STARD13: variants seen among roughly 807,000 people sequenced by gnomAD.
STARD13 encodes the protein StAR related lipid transfer domain containing 13.
STARD13 carries 62 observed loss-of-function variants against 106.4 expected under a neutral mutation model. That is an observed-to-expected ratio of 0.58 (90% CI 0.48 to 0.72). STARD13 has a LOEUF of 0.72. Ranked by LOEUF, STARD13 falls within the 30% of genes least tolerant of loss-of-function variation. The pLI is 0.00. For missense variants in STARD13, 1,387 were observed against 1,424.0 expected (o/e 0.97, Z 0.42); for synonymous variants, 565 against 553.0 (o/e 1.02, Z -0.31).
the STARD13 span, among the ~76,000 whole-genome samples, chr13:33,636,259 C>T: frequency 6.6e-6 from 1 of 151,998 alleles, no homozygotes; most frequent in Non-Finnish European, 1.5e-5. Flanking sequence ...TTTGTAGCCC[C>T]TGACACTTGC....
upstream of STARD13, among the ~76,000 whole-genome samples, chr13:33,288,215 A>T (rs1324778689): frequency 6.6e-6 from 1 of 152,184 alleles, no homozygotes; most frequent in African/African-American, 2.4e-5. Context: ...GTTTGTATTT[A>T]TGACTACATA....
chr13:33,268,828 C>G lies in STARD13; in HGVS notation c.169+16642G>C, dbSNP rs148038006. Among the ~76,000 whole-genome samples the G allele has an allele frequency of 2.0e-3, 305 of 152,320 alleles. 1 individual carries two copies. Among genetic ancestry groups the G allele is most frequent in the African/African-American group, 6.9e-3 (286 of 41,566 alleles). ...TCCATGTCAGATTATTAGCATCAATCACAAAACATGGTAATTTATTTAAGT... is the reference window on the plus strand; with the variant it reads ...TCCATGTCAGATTATTAGCATCAATGACAAAACATGGTAATTTATTTAAGT... On this transcript the variant is annotated intron_variant, in intron 1 of 13. Coordinates refer to ENST00000336934, the MANE Select transcript of STARD13 (RefSeq NM_178006.4).
intron 1 of STARD13, among the ~76,000 whole-genome samples, chr13:33,213,092 G>A (rs1887818907): frequency 6.6e-6 from 1 of 152,170 alleles, no homozygotes; most frequent in South Asian, 2.1e-4. Flanking sequence ...CAGTACATCT[G>A]TAACATGAGG....
the STARD13 span, among the ~76,000 whole-genome samples, chr13:33,648,741 T>C: frequency 1.3e-5 from 2 of 151,756 alleles, no homozygotes; most frequent in Admixed American, 1.3e-4. Context: ...TTGTGTTCTC[T>C]TAGCAATAGT....
chr13:33,398,783 A>G, the STARD13 span, among the ~76,000 whole-genome samples: 1 of 152,230 alleles, frequency 6.6e-6, no homozygotes, highest in Admixed American at 6.5e-5. Flanking sequence ...ATGTACCACA[A>G]CTGGAACCCT....
At chr13:33,367,619 G>A in the STARD13 span, among the ~76,000 whole-genome samples, 9 of 151,964 alleles carry the variant, frequency 5.9e-5, no homozygotes, top group African/African-American at 2.2e-4. Flanking sequence ...TAATTCTTGA[G>A]TGTCTCAGTG....
At chr13:33,411,943 C>T in the STARD13 span, among the ~76,000 whole-genome samples, 1 of 152,028 alleles carries the variant, frequency 6.6e-6, no homozygotes, top group Non-Finnish European at 1.5e-5. Context: ...CAAAAGCAAA[C>T]CTACCCCAAT....
intron 1 of STARD13, among the ~76,000 whole-genome samples, chr13:33,295,663 C>T (rs1892460768): frequency 6.6e-6 from 1 of 152,074 alleles, no homozygotes; most frequent in African/African-American, 2.4e-5. Flanking sequence ...AATTATAGGA[C>T]TGCGTTGCTG....
At chr13:33,241,557 CT>C (rs1889498022) in intron 1 of STARD13, among the ~76,000 whole-genome samples, 1 of 150,770 alleles carries the variant, frequency 6.6e-6, no homozygotes, top group Non-Finnish European at 1.5e-5. Context: ...CCCCCTCCCC[CT>C]CTCCCCTTTG....
chr13:33,659,362 T>C, the STARD13 span, among the ~76,000 whole-genome samples: 1 of 151,956 alleles, frequency 6.6e-6, no homozygotes, highest in African/African-American at 2.4e-5. Context: ...ACTACAGGCA[T>C]ATGCCACCAC....
the STARD13 span, among the ~76,000 whole-genome samples, chr13:33,630,563 T>C: frequency 6.6e-6 from 1 of 152,198 alleles, no homozygotes; most frequent in Non-Finnish European, 1.5e-5. Flanking sequence ...CTGAACCACA[T>C]TTCACCAAGT....
chr13:33,298,502 C>A (rs1237281373), intron 1 of STARD13, among the ~76,000 whole-genome samples: 1 of 151,958 alleles, frequency 6.6e-6, no homozygotes, highest in Non-Finnish European at 1.5e-5. Context: ...ATACCACCCT[C>A]CTGCCACAAA....
chr13:33,349,360 C>A, intron 1 of STARD13: 1 of 649,632 alleles, frequency 1.5e-6, no homozygotes, highest in Non-Finnish European at 2.8e-6. Flanking sequence ...CCTGCACTGC[C>A]CAGGAACTGT....
rs1889902351 is a variant in STARD13 at position 33,247,754 on chromosome 13, C to T, written c.169+37716G>A. Among the ~76,000 whole-genome samples the T allele has an allele frequency of 2.0e-5, 3 of 152,304 alleles. No homozygotes were observed. In the South Asian group the frequency reaches 6.2e-4, roughly 32 times the overall value. On this transcript the variant is annotated intron_variant, in intron 1 of 13. Transcript: ENST00000336934. The stretch of plus-strand genomic sequence containing the variant: ...GAACCGTGATTCACTCACTCTACTG[C>T]TATCGCCCAAAACGCACAATTCTCA...
the STARD13 span, among the ~76,000 whole-genome samples, chr13:33,470,531 C>T: frequency 1.3e-5 from 2 of 152,164 alleles, no homozygotes; most frequent in South Asian, 4.1e-4. Flanking sequence ...CTAATTTACA[C>T]TCTCACCAAC....
At chr13:33,290,858 T>A (rs1892264929) in intron 1 of STARD13, among the ~76,000 whole-genome samples, 1 of 152,234 alleles carries the variant, frequency 6.6e-6, no homozygotes, top group Admixed American at 6.5e-5. Context: ...ATTGTGTGAT[T>A]CCCTTCTCTT....
chr13:33,439,709 T>C, the STARD13 span: 1 of 1,268,168 alleles, frequency 7.9e-7, no homozygotes, highest in Non-Finnish European at 1.0e-6. Flanking sequence ...TCTTTGGGTC[T>C]GTTATCAGAG....
At chr13:33,191,081 G>A (rs1886225841) in intron 1 of STARD13, among the ~76,000 whole-genome samples, 1 of 152,120 alleles carries the variant, frequency 6.6e-6, no homozygotes, top group Non-Finnish European at 1.5e-5. Context: ...ATTTTAATAA[G>A]TTACGACATA....
At chr13:33,237,808 A>G (rs1039121930) in intron 1 of STARD13, among the ~76,000 whole-genome samples, 1 of 152,240 alleles carries the variant, frequency 6.6e-6, no homozygotes, top group Admixed American at 6.5e-5. Flanking sequence ...AATTGGGTTG[A>G]GAAGAGTCTT....
Sources: allele counts gnomAD v4.1 joint callset (sites outside exome capture counted in the v4.1 genomes callset), GRCh38; gene constraint gnomAD v4.1.1; transcripts MANE v1.5; gene names NCBI Gene and HGNC (gene_info 2026-07-23, HGNC 2026-07-21).